The following DZANK1 variants were observed in gnomAD, a reference collection of about 807,000 sequenced individuals.
DZANK1 encodes the protein double zinc ribbon and ankyrin repeat domains 1.
In DZANK1, 91 loss-of-function variants were observed where a neutral mutation model predicts 94.5. The observed-to-expected ratio is 0.96, with a 90% CI of 0.81 to 1.15. The LOEUF is 1.15. Among genes scored for constraint, DZANK1 ranks in the 50% most tolerant of loss-of-function variants. DZANK1 has a pLI of 0.00. For synonymous variants in DZANK1, 312 were observed against 325.3 expected, an observed-to-expected ratio of 0.96 and a Z score of 0.44; for missense variants, 903 against 916.4, an observed-to-expected ratio of 0.99 and a Z score of 0.19.
intron 7 of DZANK1, among the ~76,000 whole-genome samples, chr20:18,444,855 C>T (rs2058823552): frequency 6.6e-6 from 1 of 152,064 alleles, no homozygotes; most frequent in Non-Finnish European, 1.5e-5. Flanking sequence ...GATTGGAGTG[C>T]AGTGGCATGA....
exon 7 of DZANK1, chr20:18,448,984 T>C (rs756268579): frequency 1.2e-6 from 2 of 1,611,886 alleles, no homozygotes; most frequent in Admixed American, 1.7e-5. Flanking sequence ...TGATACTTAC[T>C]TGAGAAAGTC....
chr20:18,414,582 T>C, intron 11 of DZANK1, 70 bp from the exon 12 acceptor site: 1 of 1,509,476 alleles, frequency 6.6e-7, no homozygotes, highest in South Asian at 1.3e-5. Flanking sequence ...TCTCATACCA[T>C]ACAAATTAAC....
chr20:18,390,519 ACTTT>A, intron 17 of DZANK1, 60 bp from the exon 18 acceptor site: 1 of 1,498,934 alleles, frequency 6.7e-7, no homozygotes, highest in Non-Finnish European at 9.3e-7. Context: ...CAAGGCAAAC[ACTTT>A]CTTTCCAACA....
intron 19 of DZANK1, among the ~76,000 whole-genome samples, chr20:18,386,844 G>T (rs2048523626): frequency 6.6e-6 from 1 of 152,154 alleles, no homozygotes; most frequent in South Asian, 2.1e-4. Context: ...AAATACCCTT[G>T]TGGAATTTCA....
intron 8 of DZANK1, among the ~76,000 whole-genome samples, chr20:18,439,865 T>C (rs998543111): frequency 1.1e-4 from 17 of 152,308 alleles, no homozygotes; most frequent in South Asian, 6.2e-4. Context: ...CTCCACATGA[T>C]GCTGGGTGTT....
chr20:18,399,212 C>T (rs1451652753), intron 13 of DZANK1, among the ~76,000 whole-genome samples: 1 of 151,680 alleles, frequency 6.6e-6, no homozygotes, highest in Non-Finnish European at 1.5e-5. Flanking sequence ...ATCCCACCTA[C>T]AATAACTTAC....
intron 2 of DZANK1, 143 bp from the exon 3 acceptor site, chr20:18,460,449 G>GTTAAGATTTAAAGTTGT: frequency 1.5e-6 from 1 of 685,560 alleles, no homozygotes; most frequent in Non-Finnish European, 2.2e-6. Context: ...TTGTGACTTA[G>GTTAAGATTTAAAGTTGT]GACAGGCATG....
At chr20:18,388,966 G>A (rs572164471) in intron 19 of DZANK1, among the ~76,000 whole-genome samples, 2 of 152,302 alleles carry the variant, frequency 1.3e-5, no homozygotes, top group Admixed American at 6.5e-5. Context: ...GACTTCAGGA[G>A]GTAGGAGTGT....
intron 3 of DZANK1, among the ~76,000 whole-genome samples, chr20:18,456,898 G>A (rs1000171013): frequency 4.6e-5 from 7 of 152,254 alleles, no homozygotes; most frequent in South Asian, 4.1e-4. Context: ...ATGTGGACAC[G>A]TTTTCATTTC....
At chr20:18,397,340 T>C (rs562448519) in intron 14 of DZANK1, among the ~76,000 whole-genome samples, 4 of 152,302 alleles carry the variant, frequency 2.6e-5, no homozygotes, top group African/African-American at 9.6e-5. Flanking sequence ...TTCATAAAGT[T>C]CCTTCTAGTC....
intron 4 of DZANK1, chr20:18,454,624 T>A (rs2059219332): frequency 6.5e-6 from 1 of 154,708 alleles, no homozygotes; most frequent in Non-Finnish European, 1.4e-5. Context: ...TTTGCAGATA[T>A]TTGGGAATAA....
At chr20:18,403,365 G>A (rs916558132) in intron 13 of DZANK1, among the ~76,000 whole-genome samples, 21 of 152,222 alleles carry the variant, frequency 1.4e-4, no homozygotes, top group Non-Finnish European at 2.5e-4. Context: ...AAGCAATGGT[G>A]CCACATTGAA....
At chr20:18,414,426 A>T (rs776713371) in exon 12 of DZANK1, 1 of 1,614,016 alleles carries the variant, frequency 6.2e-7, no homozygotes, top group Non-Finnish European at 8.5e-7. Flanking sequence ...ACTTCACACA[A>T]ATACCACAGG....
intron 9 of DZANK1, among the ~76,000 whole-genome samples, chr20:18,430,579 C>T (rs2058242571): frequency 6.6e-6 from 1 of 152,186 alleles, no homozygotes. Context: ...CCTTGGGAGG[C>T]CAAGGTGGGA....
In DZANK1 at chr20:18,433,766, C is replaced by G; in HGVS notation, c.748-1G>C. 6.2e-7 allele frequency: 1 copy of G among 1,613,328 alleles called. No homozygotes were observed. Among genetic ancestry groups the G allele is most frequent in the Non-Finnish European group, 8.5e-7 (1 of 1,179,328 alleles). On this transcript the variant is annotated splice_acceptor_variant, in intron 8 of 20. Transcript: ENST00000262547. LOFTEE classifies it high-confidence loss of function. Reference sequence around the variant, plus strand: ...TTCTGCATTCTGCACACAAGCCCATCTGCACAAGGAAAAGGTCTGGTTTAT... The same window carrying G: ...TTCTGCATTCTGCACACAAGCCCATGTGCACAAGGAAAAGGTCTGGTTTAT...
At chr20:18,444,893 C>T (rs935781406) in intron 7 of DZANK1, among the ~76,000 whole-genome samples, 3 of 152,052 alleles carry the variant, frequency 2.0e-5, no homozygotes, top group Non-Finnish European at 4.4e-5. Context: ...CTCCACCTCC[C>T]GGGTCCATGC....
At chr20:18,414,420 C>A (rs1568929257) in exon 12 of DZANK1, 1 of 1,614,006 alleles carries the variant, frequency 6.2e-7, no homozygotes, top group Non-Finnish European at 8.5e-7. Flanking sequence ...CTAGGGACTT[C>A]ACACAAATAC....
At chr20:18,465,176 TA>T (rs2148837500) in intron 2 of DZANK1, 73 bp downstream of exon 2, 1 of 1,028,798 alleles carries the variant, frequency 9.7e-7, no homozygotes. Flanking sequence ...GGCAAAGAGA[TA>T]AACCAGCAAC....
At chr20:18,409,404 G>A (rs1225136484) in intron 13 of DZANK1, among the ~76,000 whole-genome samples, 3 of 152,094 alleles carry the variant, frequency 2.0e-5, no homozygotes, top group Non-Finnish European at 4.4e-5. Flanking sequence ...TATTCAAAGT[G>A]TTCAAAGAAA....
Sources: gnomAD v4.1 joint callset for allele counts (sites outside exome capture counted in the v4.1 genomes callset) on GRCh38, gnomAD v4.1.1 for gene constraint, MANE v1.5 for transcripts, NCBI Gene and HGNC (gene_info 2026-07-23, HGNC 2026-07-21) for gene names.